The following FAT1 variants were observed in gnomAD, a reference collection of about 807,000 sequenced individuals.
FAT1 encodes the protein protocadherin Fat 1.
A neutral mutation model predicts 329.8 loss-of-function variants in FAT1; 171 were observed. That is an observed-to-expected ratio of 0.52 (90% CI 0.46 to 0.59). FAT1 has a LOEUF of 0.59. FAT1 is among the 20% of genes least tolerant of loss of function. The pLI is 0.00. For synonymous variants in FAT1, 2,233 were observed against 2,228.6 expected, an observed-to-expected ratio of 1.00 and a Z score of -0.06; for missense variants, 5,672 against 5,774.4, an observed-to-expected ratio of 0.98 and a Z score of 0.57.
At chr4:186,672,347 T>C (rs1742768034) in intron 2 of FAT1, among the ~76,000 whole-genome samples, 1 of 152,168 alleles carries the variant, frequency 6.6e-6, no homozygotes, top group African/African-American at 2.4e-5. Flanking sequence ...TGCTAGGCAG[T>C]ATACTAGTGT....
intron 16 of FAT1, among the ~76,000 whole-genome samples, chr4:186,608,651 T>C (rs1579311455): frequency 6.6e-6 from 1 of 152,226 alleles, no homozygotes; most frequent in Non-Finnish European, 1.5e-5. Context: ...CAAATGCTCA[T>C]ACCCTAGTGC....
Position 186,663,284 on chromosome 4 carries a change from A to G in FAT1, c.3580+15T>C. 1.3e-6 allele frequency: 2 copies of G among 1,579,290 alleles called. No individual in the cohort carries two copies. The highest frequency in any genetic ancestry group is 2.2e-5 in the East Asian group (1 of 44,496). Reference sequence around the variant, plus strand: ...CATAAGCATAAACATTTCCTATAGCAGTATTAACACATACCTGTTTTAGGA... The same window carrying G: ...CATAAGCATAAACATTTCCTATAGCGGTATTAACACATACCTGTTTTAGGA... On this transcript the variant is annotated intron_variant, in intron 3 of 26. Coordinates refer to ENST00000441802, the MANE Select transcript of FAT1 (RefSeq NM_005245.4).
rs56007012 is a variant in FAT1, at chr4:186,663,506, T to C, written c.3373A>G (p.Ile1125Val). 1 of 1,613,982 alleles carries C rather than the reference T, an allele frequency of 6.2e-7. No individual in the cohort carries two copies. The highest frequency in any genetic ancestry group is 1.1e-5 in the South Asian group (1 of 91,080). The change falls in exon 3 of 27, where the codon ATC becomes GTC. Residue 1125 changes from isoleucine to valine, a missense_variant. Coordinates refer to ENST00000441802, the MANE Select transcript of FAT1 (RefSeq NM_005245.4). ...TTGACATCCTCAACCTCTATGTAGA[T>C]CTCTATGAACGATGAAAGAGGCACG... The part of the protein sequence containing the change: ...GVVPLSSFIE[I>V]YIEVEDVNDN...
chr4:186,711,149 TACG>T (rs1744931064), intron 1 of FAT1, among the ~76,000 whole-genome samples: 1 of 152,174 alleles, frequency 6.6e-6, no homozygotes, highest in South Asian at 2.1e-4. Flanking sequence ...TTGAAATTGG[TACG>T]ACAACATTAA....
chr4:186,597,785 G>A lies in FAT1; in HGVS notation c.12265C>T (p.Leu4089Phe), dbSNP rs749811366. 6.2e-7 allele frequency: 1 copy of A among 1,613,048 alleles called. No individual in the cohort carries two copies. Among genetic ancestry groups the A allele is most frequent in the Non-Finnish European group, 8.5e-7 (1 of 1,179,118 alleles). ...RGLYTGQRCQ[L>F]SPYCKDEPCK... ...GGTTCATCTTTGCAGTATGGACTAA[G>A]CTGACACCTGAAGAGTAAGGAGAAA... Residue 4089 changes from leucine (L) to phenylalanine (F), a missense_variant, in exon 24 of 27, where the codon CTT becomes TTT. Physicochemically the swap from Leu to Phe is conservative, Grantham distance 22 (BLOSUM62 0). This residue lies in a region of FAT1 where 1,706 missense variants were observed against 1,859.1 expected (regional missense o/e 0.92). Coordinates refer to ENST00000441802, the MANE Select transcript of FAT1 (RefSeq NM_005245.4).
At chr4:186,712,118 AAGAT>A (rs1176888274) in intron 1 of FAT1, among the ~76,000 whole-genome samples, 1 of 152,254 alleles carries the variant, frequency 6.6e-6, no homozygotes, top group Non-Finnish European at 1.5e-5. Context: ...CAGCCATTAA[AAGAT>A]AGCACTCTGT....
chr4:186,668,478 A>G (rs1031391469), intron 2 of FAT1, among the ~76,000 whole-genome samples: 5 of 152,136 alleles, frequency 3.3e-5, no homozygotes, highest in Admixed American at 6.5e-5. Context: ...GATTTGTCCA[A>G]CTCCAAGAAG....
At position 186,639,750 on chromosome 4, in the gene FAT1, C is replaced by T. The variant is rs758878500; in HGVS notation, c.3614G>A (p.Arg1205Gln). Residue 1205 changes from arginine to glutamine, a missense_variant, in exon 4 of 27, where the codon CGA becomes CAA. By Grantham distance (43) the Arg-to-Gln change is conservative. Coordinates refer to ENST00000441802, the MANE Select transcript of FAT1 (RefSeq NM_005245.4). ...TAATATGTGTTCATCTTGCTGTTCT[C>T]GGTCTAGCTTCCTTGACGTAGTTGT... ...LITTTSRKLD[R>Q]EQQDEHILEV... 22 of 1,612,572 alleles carry T rather than the reference C, an allele frequency of 1.4e-5. No homozygotes were observed. The highest frequency in any genetic ancestry group is 5.0e-5 in the Admixed American group (3 of 59,868).
intron 26 of FAT1, 42 bp downstream of exon 26, chr4:186,595,647 C>T (rs766808676): frequency 6.2e-7 from 1 of 1,608,724 alleles, no homozygotes; most frequent in Non-Finnish European, 8.5e-7. Flanking sequence ...AGTAACACAA[C>T]AAGCAAGCAA....
rs1014207775 is a variant in FAT1 at position 186,723,665 on chromosome 4, G to T, written c.-20C>A. ...CGGCCCGCGCCCCAGCGAACTAACC[G>T]CAAAGTTGGCCCGAAGTGGCGACGG... is the stretch of plus-strand genomic sequence containing the variant. On this transcript the variant is annotated splice_region_variant and 5_prime_UTR_variant, in exon 1 of 27. Transcript: ENST00000441802. 7.9e-5 allele frequency: 12 copies of T among 151,968 alleles called. No homozygotes were observed. The highest frequency in any genetic ancestry group is 1.6e-4 in the Non-Finnish European group (11 of 68,042). The allele number at this position is 151,968 out of a possible 1,614,324, so 9.4% of individuals were successfully genotyped here.
chr4:186,615,211 T>C (rs1739654346), intron 11 of FAT1, among the ~76,000 whole-genome samples: 1 of 152,140 alleles, frequency 6.6e-6, no homozygotes, highest in Admixed American at 6.5e-5. Context: ...CCAAAGACAG[T>C]TGCTGTAAGA....
chr4:186,695,014 T>C (rs1416523269), intron 2 of FAT1, among the ~76,000 whole-genome samples: 1 of 152,080 alleles, frequency 6.6e-6, no homozygotes, highest in East Asian at 1.9e-4. Context: ...CAAAGGATAG[T>C]TGGGTGAGCT....
intron 2 of FAT1, among the ~76,000 whole-genome samples, chr4:186,705,639 G>A (rs927725817): frequency 6.6e-6 from 1 of 152,200 alleles, no homozygotes; most frequent in Non-Finnish European, 1.5e-5. Flanking sequence ...CACAGAAGAT[G>A]CAGGGGCTAA....
Position 186,663,632 on chromosome 4 carries a change from A to T in FAT1, c.3266-19T>A, listed in dbSNP as rs2126619097. Reference sequence around the variant, plus strand: ...ATGACACCTACAGAGAAAAAAGAAAAGCGTAAAGCAGCACATCAACGACCA... The same window carrying T: ...ATGACACCTACAGAGAAAAAAGAAATGCGTAAAGCAGCACATCAACGACCA... On this transcript the variant is annotated intron_variant, in intron 2 of 26. Transcript: ENST00000441802. 1 of 1,572,336 alleles carries T rather than the reference A, an allele frequency of 6.4e-7. No individual in the cohort carries two copies.
At chr4:186,659,378 C>A (rs776983542) in intron 3 of FAT1, among the ~76,000 whole-genome samples, 2 of 152,230 alleles carry the variant, frequency 1.3e-5, no homozygotes, top group Admixed American at 6.5e-5. Flanking sequence ...TATTCTCTAG[C>A]TGCTGGACGT....
At chr4:186,719,085 T>G (rs1040335190) in intron 1 of FAT1, among the ~76,000 whole-genome samples, 1 of 152,206 alleles carries the variant, frequency 6.6e-6, no homozygotes, top group African/African-American at 2.4e-5. Flanking sequence ...TTTTATACTC[T>G]ACACTGACTC....
At chr4:186,724,487 C>G (rs536149405), upstream of FAT1, among the ~76,000 whole-genome samples, 261 of 152,322 alleles carry the variant, frequency 1.7e-3, 3 homozygotes, top group Non-Finnish European at 2.3e-3. This position sits in a 1 kb window ranked among gnomAD's most constrained non-coding sequence, Gnocchi z 5.3. Flanking sequence ...GCTGACACCC[C>G]GGACGCCCAG....
rs1739838288 is a variant in FAT1 at position 186,618,482 on chromosome 4, T to G, written c.8104A>C (p.Lys2702Gln). The G allele has an allele frequency of 1.9e-6, 3 of 1,613,932 alleles. No homozygotes were observed. Among genetic ancestry groups the G allele is most frequent in the Admixed American group, 1.7e-5 (1 of 60,004 alleles). The change falls in exon 10 of 27, where the codon AAA becomes CAA. Residue 2702 changes from lysine to glutamine, a missense_variant. Lys to Gln is a moderately conservative substitution (Grantham distance 53). Around this residue, in one of 2 missense-constraint regions of FAT1, gnomAD observed 3,966 missense variants for 3,915.2 expected, o/e 1.01. Transcript: ENST00000441802. ...AAGGTATAGAAAGGTTCTGAAAATTTTGGAAGCTGCATTTCCGGTGGAAGG... is the reference window on the plus strand; with the variant it reads ...AAGGTATAGAAAGGTTCTGAAAATTGTGGAAGCTGCATTTCCGGTGGAAGG... ...KILPPEMQLP[K>Q]FSEPFYTFTV...
At chr4:186,607,899 C>T (rs1013038231) in intron 16 of FAT1, among the ~76,000 whole-genome samples, 6 of 148,818 alleles carry the variant, frequency 4.0e-5, no homozygotes, top group Non-Finnish European at 6.0e-5. Context: ...ACATCTCCAA[C>T]GGCAAGTACC....
Sources: allele counts gnomAD v4.1 joint callset (sites outside exome capture counted in the v4.1 genomes callset), GRCh38; gene constraint gnomAD v4.1.1; regional missense constraint gnomAD v4.1.1; non-coding constraint Gnocchi (gnomAD v3.1); transcripts MANE v1.5; gene names NCBI Gene and HGNC (gene_info 2026-07-23, HGNC 2026-07-21).